The following SRGAP3 variants were observed in gnomAD, a reference collection of about 807,000 sequenced individuals.
SRGAP3 encodes SLIT-ROBO Rho GTPase activating protein 3, also known as SLIT-ROBO Rho GTPase-activating protein 3.
In SRGAP3, 39 loss-of-function variants were observed where a neutral mutation model predicts 121.1. The observed-to-expected ratio is 0.32, with a 90% CI of 0.25 to 0.42. The LOEUF (loss-of-function observed/expected upper bound fraction) is 0.42. Ranked by LOEUF, SRGAP3 falls within the 10% of genes least tolerant of loss-of-function variation. The probability of loss-of-function intolerance (pLI) is 1.00; values close to 1 mark genes in which losing one functional copy is unlikely to be tolerated. For synonymous variants in SRGAP3, 601 were observed against 570.0 expected (o/e 1.05, Z -0.77); for missense variants, 1,213 against 1,470.6 (o/e 0.82, Z 2.86).
chr3:9,093,192 T>C (rs1239941819), intron 3 of SRGAP3, among the ~76,000 whole-genome samples: 1 of 152,250 alleles, frequency 6.6e-6, no homozygotes, highest in Non-Finnish European at 1.5e-5. Flanking sequence ...AAAACATTAT[T>C]GATCACTTAT....
At chr3:9,317,422 G>T (rs887278337) in intron 3 of SRGAP3, among the ~76,000 whole-genome samples, 9 of 152,128 alleles carry the variant, frequency 5.9e-5, no homozygotes, top group African/African-American at 2.2e-4. Flanking sequence ...TTTACTAAAG[G>T]GTCTTCTCCC....
chr3:9,262,308 G>A (rs1574953117), intron 3 of SRGAP3, among the ~76,000 whole-genome samples: 3 of 151,978 alleles, frequency 2.0e-5, no homozygotes, highest in Admixed American at 2.0e-4. Flanking sequence ...CAACTAATAC[G>A]CAAAATAACC....
Position 9,124,689 on chromosome 3 carries a change from C to T in SRGAP3, c.260+36G>A, listed in dbSNP as rs775409598. 3.1e-6 allele frequency: 5 copies of T among 1,613,024 alleles called. No homozygotes were observed. The African/African-American group carries it at 4.0e-5, about 13-fold the overall frequency. The stretch of plus-strand genomic sequence containing the variant: ...CAACTGTCCGCCCACCCCAGTGCTG[C>T]CTCCCATCTCTGTGCACCCATACCC... On this transcript the variant is annotated intron_variant, in intron 2 of 21. Transcript: ENST00000383836.
At chr3:9,360,480 G>A (rs1313090920) in intron 1 of SRGAP3, among the ~76,000 whole-genome samples, 4 of 152,168 alleles carry the variant, frequency 2.6e-5, no homozygotes, top group Non-Finnish European at 4.4e-5. Context: ...ATTTTTTGAC[G>A]AAAGGCTAAA....
chr3:9,052,786 A>C (rs1945644496), intron 9 of SRGAP3, among the ~76,000 whole-genome samples: 2 of 152,192 alleles, frequency 1.3e-5, no homozygotes, highest in African/African-American at 4.8e-5. Context: ...GTTTTTTTCT[A>C]GAGCAAGAAA....
chr3:9,136,502 C>T (rs1056878222), intron 1 of SRGAP3, among the ~76,000 whole-genome samples: 1 of 152,012 alleles, frequency 6.6e-6, no homozygotes, highest in African/African-American at 2.4e-5. Flanking sequence ...TCTTCGCAGA[C>T]GCGAGCAAGC....
intron 1 of SRGAP3, among the ~76,000 whole-genome samples, chr3:9,231,311 C>T (rs1406936570): frequency 4.6e-5 from 7 of 152,144 alleles, no homozygotes; most frequent in Admixed American, 2.0e-4. Flanking sequence ...TCTCACAATC[C>T]CTTGTCATTC....
chr3:9,049,191 G>C lies in SRGAP3; in HGVS notation c.1324-1716C>G, dbSNP rs538469804. On this transcript the variant is annotated intron_variant, in intron 9 of 21. Transcript: ENST00000383836. The stretch of plus-strand genomic sequence containing the variant: ...ACCACCTTCCCATTGACAGCTATGG[G>C]GGAAAGACCCACTGGGGTAGGGGCT... 87 of 337,818 alleles carry C rather than the reference G, an allele frequency of 2.6e-4. 1 individual carries two copies. In the Middle Eastern group the frequency reaches 3.2e-3, roughly 13 times the overall value. 20.9% of individuals were successfully genotyped at this position (337,818 alleles called of 1,614,324 possible). A position where few individuals can be genotyped will look rare whatever the true frequency, so the allele number is the denominator to read the frequency against.
chr3:9,084,819 A>G (rs925287955), intron 3 of SRGAP3, among the ~76,000 whole-genome samples: 2 of 152,082 alleles, frequency 1.3e-5, no homozygotes, highest in African/African-American at 2.4e-5. Flanking sequence ...GACTTATCCT[A>G]TTCCTCCAAA....
intron 3 of SRGAP3, among the ~76,000 whole-genome samples, chr3:9,274,695 G>A (rs1042187983): frequency 5.9e-5 from 9 of 152,194 alleles, no homozygotes; most frequent in Admixed American, 5.2e-4. Flanking sequence ...AGTAAATGAG[G>A]GGGATTTTAT....
At chr3:9,172,371 G>A (rs564262785) in intron 1 of SRGAP3, among the ~76,000 whole-genome samples, 58 of 152,150 alleles carry the variant, frequency 3.8e-4, no homozygotes, top group African/African-American at 1.3e-3. Context: ...CTAAAGTGCT[G>A]GGATTACAGG....
intron 2 of SRGAP3, among the ~76,000 whole-genome samples, chr3:9,327,770 T>C (rs975306525): frequency 4.6e-5 from 7 of 152,246 alleles, no homozygotes; most frequent in Admixed American, 1.3e-4. Context: ...GTTGTATATT[T>C]CTGGCATAAA....
Position 9,032,733 on chromosome 3 carries a change from TA to T in SRGAP3, c.1455del (p.Lys486AsnfsTer5). 1.9e-6 allele frequency: 3 copies of T among 1,583,160 alleles called. No individual in the cohort carries two copies. Among genetic ancestry groups the T allele is most frequent in the Non-Finnish European group, 2.6e-6 (3 of 1,162,002 alleles). On this transcript the variant is annotated frameshift_variant, in exon 12 of 22. Coordinates refer to ENST00000383836, the MANE Select transcript of SRGAP3 (RefSeq NM_014850.4). LOFTEE classifies it high-confidence loss of function. ...CTAGGTCTCCTCATTTTCTGTGGTTTAGGGGGAAGACAGGGGGGCCTAGGGG... is the reference window on the plus strand; with the variant it reads ...CTAGGTCTCCTCATTTTCTGTGGTTTGGGGGAAGACAGGGGGGCCTAGGGG... ...CGTTRPPCLP[P>X]KPQKMRRPRP...
In SRGAP3 at chr3:9,010,397, AAC is replaced by A. The variant is rs1326355450; in HGVS notation, c.2148-12_2148-11del. ...GCTGTGTGGGCTGTCACTGCAAGGA[AAC>A]ACGGGAATGGGACTCACTGCGGGGG... On this transcript the variant is annotated splice_polypyrimidine_tract_variant and intron_variant, in intron 17 of 21. Coordinates refer to ENST00000383836, the MANE Select transcript of SRGAP3 (RefSeq NM_014850.4). 1.2e-6 allele frequency: 2 copies of A among 1,613,890 alleles called. No individual in the cohort carries two copies. Among genetic ancestry groups the A allele is most frequent in the Non-Finnish European group, 1.7e-6 (2 of 1,180,024 alleles).
At chr3:9,230,324 T>A (rs1268787743) in intron 1 of SRGAP3, among the ~76,000 whole-genome samples, 2 of 152,198 alleles carry the variant, frequency 1.3e-5, no homozygotes, top group Non-Finnish European at 2.9e-5. Context: ...TACCAACAAC[T>A]GTGTTCCCAA....
At chr3:9,204,331 C>T (rs2125164453) in intron 1 of SRGAP3, among the ~76,000 whole-genome samples, 1 of 152,348 alleles carries the variant, frequency 6.6e-6, no homozygotes, top group Middle Eastern at 3.4e-3. Flanking sequence ...GAAGCAGTGG[C>T]GTTGACAGAG....
At chr3:9,309,271 G>A (rs1432033325) in intron 3 of SRGAP3, among the ~76,000 whole-genome samples, 3 of 152,228 alleles carry the variant, frequency 2.0e-5, no homozygotes, top group Non-Finnish European at 4.4e-5. Flanking sequence ...AGGAACAACA[G>A]AGTGTTGTAT....
chr3:9,357,743 C>A (rs1338953064), intron 1 of SRGAP3, among the ~76,000 whole-genome samples: 3 of 152,122 alleles, frequency 2.0e-5, no homozygotes, highest in Non-Finnish European at 4.4e-5. Flanking sequence ...CATTATTTGC[C>A]TGGTAATGTG....
intron 13 of SRGAP3, among the ~76,000 whole-genome samples, chr3:9,026,617 GC>G: frequency 6.6e-6 from 1 of 152,330 alleles, no homozygotes; most frequent in African/African-American, 2.4e-5. Flanking sequence ...TTATAATCTA[GC>G]CGTATTAGCT....
Sources: gnomAD v4.1 joint callset for allele counts (sites outside exome capture counted in the v4.1 genomes callset) on GRCh38, gnomAD v4.1.1 for gene constraint, MANE v1.5 for transcripts, NCBI Gene and HGNC (gene_info 2026-07-23, HGNC 2026-07-21) for gene names.